NCKAP1: variants seen among roughly 807,000 people sequenced by gnomAD.
NCKAP1 encodes the protein NCK associated protein 1, also known as nck-associated protein 1.
In NCKAP1, 21 loss-of-function variants were observed where a neutral mutation model predicts 151.2. The observed-to-expected ratio is 0.14, with a 90% CI of 0.10 to 0.20. The LOEUF (loss-of-function observed/expected upper bound fraction) is 0.20, where lower values mean the gene tolerates loss of function less well. NCKAP1 is among the 10% of genes least tolerant of loss of function. The pLI, the probability that NCKAP1 is intolerant of heterozygous loss-of-function variation, is 1.00. For missense variants in NCKAP1, 933 were observed against 1,352.1 expected, an observed-to-expected ratio of 0.69 and a Z score of 4.86; for synonymous variants, 484 against 451.8, an observed-to-expected ratio of 1.07 and a Z score of -0.90.
At position 182,921,175 on chromosome 2, in the gene NCKAP1, G is replaced by C. The variant is rs1459636656; in HGVS notation, c.*4527C>G. The C allele has an allele frequency of 1.3e-5, 2 of 152,152 alleles. No individual in the cohort carries two copies. The highest frequency in any genetic ancestry group is 4.8e-5 in the African/African-American group (2 of 41,440). The allele number at this position is 152,152 out of a possible 1,614,324, so 9.4% of individuals were successfully genotyped here. On this transcript the variant is annotated 3_prime_UTR_variant, in exon 31 of 31. Transcript: ENST00000361354. ...AACTATCTTAAATTAGTAGTTTAATGAGTGAGCAATTTAGCACCTGATACT... is the reference window on the plus strand; with the variant it reads ...AACTATCTTAAATTAGTAGTTTAATCAGTGAGCAATTTAGCACCTGATACT...
chr2:182,925,156 C>T lies in NCKAP1; in HGVS notation c.*546G>A, dbSNP rs558616440. 2.0e-5 allele frequency: 3 copies of T among 152,048 alleles called. No homozygotes were observed. Among genetic ancestry groups the T allele is most frequent in the Non-Finnish European group, 2.9e-5 (2 of 67,962 alleles). The allele number at this position is 152,048 out of a possible 1,614,324, so 9.4% of individuals were successfully genotyped here. On this transcript the variant is annotated 3_prime_UTR_variant, in exon 31 of 31. Transcript: ENST00000361354. ...TTTGGGAAATGATCTGCTTCTAATACTAAGCAGTTCTTTAACATTTTTAAA... is the reference window on the plus strand; with the variant it reads ...TTTGGGAAATGATCTGCTTCTAATATTAAGCAGTTCTTTAACATTTTTAAA...
chr2:182,956,440 A>C (rs1413915722), intron 20 of NCKAP1, 22 bp downstream of exon 20: 4 of 1,602,996 alleles, frequency 2.5e-6, no homozygotes, highest in Non-Finnish European at 3.4e-6. Context: ...AACAAACAAA[A>C]ACAGTCAATA....
At chr2:182,948,955 T>C (rs1471711504) in intron 23 of NCKAP1, among the ~76,000 whole-genome samples, 23 of 152,232 alleles carry the variant, frequency 1.5e-4, no homozygotes, top group Non-Finnish European at 1.0e-4. Context: ...AAACAGAGTT[T>C]GTACAGAGGA....
chr2:182,989,333 C>A, intron 8 of NCKAP1, 147 bp from the exon 9 acceptor site: 1 of 548,768 alleles, frequency 1.8e-6, no homozygotes, highest in Non-Finnish European at 3.1e-6. Flanking sequence ...TATGTATAAA[C>A]CATGGTAATA....
Position 182,952,883 on chromosome 2 carries a change from T to C in NCKAP1, c.2413A>G (p.Ile805Val), listed in dbSNP as rs1442323947. The change falls in exon 22 of 31, where the codon ATA becomes GTA. Residue 805 changes from isoleucine to valine, a missense_variant. This residue lies in a region of NCKAP1 where 326 missense variants were observed against 557.1 expected (regional missense o/e 0.59). Transcript: ENST00000361354. ...TLLRQVSNGH[I>V]AYFPAMKAFV... ...GCTTTCATTGCAGGAAAATATGCTA[T>C]ATGGCCATTGCTGACTTGTCGTAAC... is the stretch of plus-strand genomic sequence containing the variant. The C allele has an allele frequency of 1.9e-6, 3 of 1,612,200 alleles. No individual in the cohort carries two copies. The highest frequency in any genetic ancestry group is 1.3e-5 in the African/African-American group (1 of 74,996).
Position 182,991,285 on chromosome 2 carries a change from T to G in NCKAP1, c.791-2099A>C, listed in dbSNP as rs117256409. Among the ~76,000 whole-genome samples the G allele has an allele frequency of 2.6e-4, 40 of 152,290 alleles. No homozygotes were observed. The East Asian group carries it at 7.3e-3, about 28-fold the overall frequency. On this transcript the variant is annotated intron_variant, in intron 8 of 30. Coordinates refer to ENST00000361354, the MANE Select transcript of NCKAP1 (RefSeq NM_013436.5). ...TAAAATAGATTGCCCAGGCTGGGCA[T>G]GATGGCTCACACCTGTAATCCCAAC...
At chr2:182,990,461 A>C (rs1215120883) in intron 8 of NCKAP1, among the ~76,000 whole-genome samples, 1 of 152,238 alleles carries the variant, frequency 6.6e-6, no homozygotes, top group Non-Finnish European at 1.5e-5. Flanking sequence ...CAATATATTA[A>C]GTTGCTCTTT....
intron 2 of NCKAP1, among the ~76,000 whole-genome samples, chr2:183,011,022 G>A (rs983828210): frequency 2.0e-5 from 3 of 152,106 alleles, no homozygotes; most frequent in Non-Finnish European, 4.4e-5. Context: ...ATGTCAAGAT[G>A]GCCTCAGATG....
chr2:183,014,527 A>G (rs1698647394), intron 2 of NCKAP1, among the ~76,000 whole-genome samples: 1 of 152,216 alleles, frequency 6.6e-6, no homozygotes, highest in South Asian at 2.1e-4. Context: ...ATCCTACACT[A>G]GACAATGGGA....
At chr2:182,951,655 A>AC (rs1287108689) in intron 23 of NCKAP1, among the ~76,000 whole-genome samples, 2 of 150,310 alleles carry the variant, frequency 1.3e-5, no homozygotes, top group Non-Finnish European at 3.0e-5. Flanking sequence ...AAAAAAAACA[A>AC]ACAAACAAAA....
chr2:182,983,340 T>G lies in NCKAP1; in HGVS notation c.1047A>C (p.Ala349=). The G allele has an allele frequency of 6.2e-7, 1 of 1,613,662 alleles. No homozygotes were observed. The highest frequency in any genetic ancestry group is 8.5e-7 in the Non-Finnish European group (1 of 1,179,618). The part of the protein sequence containing the change: ...HRERRKFLRS[A]LKELATVLSD... ...AGAGGACAGTAGCCAATTCCTTCAG[T>G]GCAGATCTTAAAAACTTGCGTCTTT... The change falls in exon 11 of 31, where the codon GCA becomes GCC. Residue 349 remains alanine, a synonymous_variant. Coordinates refer to ENST00000361354, the MANE Select transcript of NCKAP1 (RefSeq NM_013436.5).
At chr2:182,974,399 G>A (rs1697763492) in intron 15 of NCKAP1, among the ~76,000 whole-genome samples, 1 of 151,962 alleles carries the variant, frequency 6.6e-6, no homozygotes, top group Non-Finnish European at 1.5e-5. Flanking sequence ...CTAACCCCCA[G>A]TACCTCAGAA....
Position 182,995,724 on chromosome 2 carries a change from G to A in NCKAP1, c.718C>T (p.Leu240Phe), listed in dbSNP as rs767582714. ...LSLISAPSTM[L>F]NPAQSDTMPC... The stretch of plus-strand genomic sequence containing the variant: ...ACAGTGTCGGACTGTGCTGGATTAA[G>A]CATTGTACTAGGTGCACTGATGAGG... The change falls in exon 7 of 31, where the codon CTT becomes TTT. Residue 240 changes from leucine (L) to phenylalanine (F), a missense_variant. Physicochemically the swap from Leu to Phe is conservative, Grantham distance 22. Coordinates refer to ENST00000361354, the MANE Select transcript of NCKAP1 (RefSeq NM_013436.5). The A allele has an allele frequency of 6.2e-7, 1 of 1,613,984 alleles. No homozygotes were observed. Among genetic ancestry groups the A allele is most frequent in the Admixed American group, 1.7e-5 (1 of 60,024 alleles).
At position 182,937,114 on chromosome 2, in the gene NCKAP1, CAAAAAAAAAAAAAA is replaced by C. The variant is rs67087110; in HGVS notation, c.2696-1753_2696-1740del. Reference sequence around the variant, plus strand: ...TAGGCAACAGAGCAAGACTGTCTCACAAAAAAAAAAAAAAAAAAAAAAAAAAAAAGATTCACACT... The same window carrying C: ...TAGGCAACAGAGCAAGACTGTCTCACAAAAAAAAAAAAAAAGATTCACACT... On this transcript the variant is annotated intron_variant, in intron 24 of 30. Transcript: ENST00000361354. 6.6e-4 allele frequency among the ~76,000 whole-genome samples: 53 copies of C among 80,838 alleles called. 1 individual carries two copies. The highest frequency in any genetic ancestry group is 7.9e-4 in the Non-Finnish European group (38 of 48,050). 53.0% of individuals were successfully genotyped at this position (80,838 alleles called of 152,430 possible).
At chr2:182,930,037 C>T (rs183289964) in intron 27 of NCKAP1, among the ~76,000 whole-genome samples, 16 of 152,096 alleles carry the variant, frequency 1.1e-4, no homozygotes, top group African/African-American at 3.6e-4. Flanking sequence ...TGGACCATCT[C>T]CCATTAGCAT....
Position 182,989,144 on chromosome 2 carries a change from G to A in NCKAP1, c.833C>T (p.Thr278Ile), listed in dbSNP as rs780711199. ...AGCTAGTTTCCAAAGGTTCAGTGCT[G>A]TAGCGTCAGTATTTAGGATCCCATG... The part of the protein sequence containing the change: ...LCHGILNTDA[T>I]ALNLWKLALQ... The change falls in exon 9 of 31, where the codon ACA (threonine) becomes ATA (isoleucine). Residue 278 changes from threonine to isoleucine, a missense_variant. By Grantham distance (89) the Thr-to-Ile change is moderately conservative (BLOSUM62 -1). Around this residue, in one of 2 missense-constraint regions of NCKAP1, gnomAD observed 607 missense variants for 795.0 expected, o/e 0.76. Transcript: ENST00000361354. The A allele has an allele frequency of 8.1e-6, 13 of 1,611,768 alleles. No homozygotes were observed. The highest frequency in any genetic ancestry group is 1.1e-5 in the Non-Finnish European group (13 of 1,178,982).
At chr2:182,981,203 A>G in intron 13 of NCKAP1, 41 bp downstream of exon 13, 1 of 1,590,564 alleles carries the variant, frequency 6.3e-7, no homozygotes, top group South Asian at 1.1e-5. Context: ...CAAAGGTGGG[A>G]AGGAAGGAAC....
At chr2:183,017,907 C>G (rs1036378259) in intron 2 of NCKAP1, among the ~76,000 whole-genome samples, 6 of 152,106 alleles carry the variant, frequency 3.9e-5, no homozygotes, top group African/African-American at 1.4e-4. Context: ...CTTTAGGAAA[C>G]AATGAACTAC....
At chr2:182,987,882 G>A (rs191367626) in intron 9 of NCKAP1, among the ~76,000 whole-genome samples, 4 of 151,382 alleles carry the variant, frequency 2.6e-5, no homozygotes, top group South Asian at 4.2e-4. Flanking sequence ...AGAAAGGAGT[G>A]GGGGGGGAGT....
Sources: allele counts gnomAD v4.1 joint callset (sites outside exome capture counted in the v4.1 genomes callset), GRCh38; gene constraint gnomAD v4.1.1; regional missense constraint gnomAD v4.1.1; transcripts MANE v1.5; gene names NCBI Gene and HGNC (gene_info 2026-07-23, HGNC 2026-07-21).